Variants in FLT4 observed in about 807,000 individuals in gnomAD.
FLT4 encodes fms related receptor tyrosine kinase 4, also known as vascular endothelial growth factor receptor 3.
FLT4 carries 30 observed loss-of-function variants against 163.2 expected under a neutral mutation model. The observed-to-expected ratio is 0.18, with a 90% CI of 0.14 to 0.25. The LOEUF (loss-of-function observed/expected upper bound fraction) is 0.25. Among genes scored for constraint, FLT4 ranks in the 10% least tolerant of loss-of-function variants. The pLI is 1.00. For synonymous variants in FLT4, 884 were observed against 789.5 expected, an observed-to-expected ratio of 1.12 and a Z score of -2.01; for missense variants, 1,510 against 1,863.8, an observed-to-expected ratio of 0.81 and a Z score of 3.50.
At position 180,637,145 on chromosome 5, in the gene FLT4, A is replaced by G. The variant is rs1190175561; in HGVS notation, c.59-5367T>C. On this transcript the variant is annotated intron_variant, in intron 1 of 29. Transcript: ENST00000261937. ...TGAGGCGGGCGGACCATCCTGGCCA[A>G]CATGGTGAACCCCATCTCTACTAAA... 1.6e-4 allele frequency among the ~76,000 whole-genome samples: 25 copies of G among 152,150 alleles called. No individual in the cohort carries two copies. In the East Asian group the frequency reaches 4.1e-3, roughly 25 times the overall value.
rs1028042763 is a variant in FLT4 at position 180,631,427 on chromosome 5, C to G, written c.155+255G>C. On this transcript the variant is annotated intron_variant, in intron 2 of 29. Transcript: ENST00000261937. ...GGCAGAGCTTGCAGTGAGCCGAGAT[C>G]GCACCACTGCACTCCAGCCTGGGTG... Among the ~76,000 whole-genome samples, 3 of 151,854 alleles carry G rather than the reference C, an allele frequency of 2.0e-5. No individual in the cohort carries two copies. In the South Asian group the frequency reaches 6.2e-4, roughly 32 times the overall value.
rs2127834628 is a variant in FLT4 at position 180,629,427 on chromosome 5, C to T, written c.817G>A (p.Ala273Thr). The T allele has an allele frequency of 1.9e-6, 3 of 1,610,702 alleles. No individual in the cohort carries two copies. The highest frequency in any genetic ancestry group is 2.5e-6 in the Non-Finnish European group (3 of 1,179,934). Residue 273 changes from alanine (A) to threonine (T), a missense_variant and splice_region_variant, in exon 7 of 30, where the codon GCA becomes ACA. Ala to Thr is a moderately conservative substitution (Grantham distance 58). Transcript: ENST00000261937. Reference sequence around the variant, plus strand: ...TCGGGCACCCACTTACCCCGCTCTGCCTGCCCGCACCCAGGGAAGCCCCGC... The same window carrying T: ...TCGGGCACCCACTTACCCCGCTCTGTCTGCCCGCACCCAGGGAAGCCCCGC... ...TFDWDYPGKQAERGKWVPERR... is the reference protein window; with the variant it reads ...TFDWDYPGKQTERGKWVPERR...
chr5:180,622,963 G>C (rs1763283901), intron 11 of FLT4, 124 bp from the exon 12 acceptor site: 1 of 732,604 alleles, frequency 1.4e-6, no homozygotes, highest in Admixed American at 2.0e-5. Context: ...GAGGCTTTGG[G>C]CTGGAGAAGA....
chr5:180,642,133 A>G (rs573769541), intron 1 of FLT4, among the ~76,000 whole-genome samples: 6 of 151,144 alleles, frequency 4.0e-5, no homozygotes, highest in Non-Finnish European at 8.8e-5. Flanking sequence ...CGTGAACCTG[A>G]GAGGCAGAGC....
At chr5:180,649,694 C>A (rs1383507304), upstream of FLT4, 1 of 233,556 alleles carries the variant, frequency 4.3e-6, no homozygotes, top group Non-Finnish European at 7.4e-6. Flanking sequence ...CGCCCCCCTC[C>A]CCCCGTCCCT....
chr5:180,638,277 A>G (rs1331085205), intron 1 of FLT4, among the ~76,000 whole-genome samples: 6 of 152,286 alleles, frequency 3.9e-5, no homozygotes, highest in Admixed American at 2.6e-4. Flanking sequence ...TTCCGATGCT[A>G]AACTGCAGAC....
At chr5:180,625,746 C>G in intron 10 of FLT4, 123 bp downstream of exon 10, 3 of 905,698 alleles carry the variant, frequency 3.3e-6, no homozygotes, top group Non-Finnish European at 5.3e-6. Flanking sequence ...AAGTTCAGAG[C>G]AGGGCCCTGA....
chr5:180,627,635 G>GCT (rs1000762570), intron 8 of FLT4, among the ~76,000 whole-genome samples: 2 of 152,236 alleles, frequency 1.3e-5, no homozygotes, highest in Non-Finnish European at 2.9e-5. Flanking sequence ...AGGGTGGGTG[G>GCT]CTGCCATAGG....
rs943968984 is a variant in FLT4 at position 180,626,750 on chromosome 5, G to A, written c.1104-485C>T. ...GAAGGAGTGGAGGTGCAGTCCCTGC[G>A]AGCACAGTCTAGCTCCTTGACATGT... On this transcript the variant is annotated intron_variant, in intron 8 of 29. Coordinates refer to ENST00000261937, the MANE Select transcript of FLT4 (RefSeq NM_182925.5). Among the ~76,000 whole-genome samples, 14 of 152,308 alleles carry A rather than the reference G, an allele frequency of 9.2e-5. No homozygotes were observed. In the South Asian group the frequency reaches 2.3e-3, roughly 25 times the overall value.
chr5:180,603,177 C>G lies in FLT4; in HGVS notation c.*15G>C, dbSNP rs746111269. 6.8e-6 allele frequency: 11 copies of G among 1,613,340 alleles called. No homozygotes were observed. The Middle Eastern group carries it at 4.9e-4, about 72-fold the overall frequency. ...GCCTGAACCCCCAAGTGCTGGGGGT[C>G]TTGTCCGATGCTGCTTAGTAGCTGT... On this transcript the variant is annotated 3_prime_UTR_variant, in exon 30 of 30. Coordinates refer to ENST00000261937, the MANE Select transcript of FLT4 (RefSeq NM_182925.5).
chr5:180,645,351 G>C (rs905364812), intron 1 of FLT4, among the ~76,000 whole-genome samples: 29 of 152,236 alleles, frequency 1.9e-4, no homozygotes, highest in South Asian at 4.1e-4. Context: ...GGGGCAGCCA[G>C]CTATGCCAGG....
At chr5:180,638,594 C>T (rs1416046689) in intron 1 of FLT4, among the ~76,000 whole-genome samples, 4 of 152,250 alleles carry the variant, frequency 2.6e-5, no homozygotes, top group African/African-American at 9.6e-5. Context: ...TTCCCCTGCA[C>T]TCCCAAGAAA....
intron 10 of FLT4, among the ~76,000 whole-genome samples, chr5:180,625,427 T>TGA (rs977202762): frequency 4.6e-5 from 7 of 152,242 alleles, no homozygotes; most frequent in African/African-American, 1.7e-4. Flanking sequence ...ACAGATGAGC[T>TGA]GAGGCCCATG....
chr5:180,605,577 T>C (rs185867961), intron 29 of FLT4, among the ~76,000 whole-genome samples: 1 of 152,342 alleles, frequency 6.6e-6, no homozygotes, highest in East Asian at 1.9e-4. Context: ...ACTTCTCCTG[T>C]GGATGGGACT....
chr5:180,625,376 C>G (rs1008637407), intron 10 of FLT4, among the ~76,000 whole-genome samples: 11 of 152,218 alleles, frequency 7.2e-5, no homozygotes, highest in Non-Finnish European at 7.3e-5. Context: ...CCTCCCTTCT[C>G]TGACCCTATT....
At chr5:180,608,821 G>C (rs1317260181) in intron 29 of FLT4, 147 bp downstream of exon 29, 1 of 737,000 alleles carries the variant, frequency 1.4e-6, no homozygotes, top group African/African-American at 1.7e-5. Flanking sequence ...AGGGGTCTCA[G>C]GCAGCTCACC....
chr5:180,628,303 C>T (rs1180540274), intron 8 of FLT4, among the ~76,000 whole-genome samples: 3 of 152,172 alleles, frequency 2.0e-5, no homozygotes, highest in East Asian at 1.9e-4. Context: ...GAGTAGCCAG[C>T]GGAGACAGGG....
At chr5:180,637,722 G>A (rs1358004649) in intron 1 of FLT4, among the ~76,000 whole-genome samples, 1 of 152,132 alleles carries the variant, frequency 6.6e-6, no homozygotes, top group Non-Finnish European at 1.5e-5. Flanking sequence ...AGTAGACGGG[G>A]CTTCTCCATG....
rs1765643316 is a variant in FLT4, at chr5:180,649,477, G to C, written c.58+11C>G. The C allele has an allele frequency of 3.4e-6, 5 of 1,457,096 alleles. No homozygotes were observed. In the South Asian group the frequency reaches 5.2e-5, roughly 15 times the overall value. The allele number at this position is 1,457,096 out of a possible 1,614,324, so 90.3% of individuals were successfully genotyped here. On this transcript the variant is annotated intron_variant, in intron 1 of 29. Coordinates refer to ENST00000261937, the MANE Select transcript of FLT4 (RefSeq NM_182925.5). ...CCACGCTCGGGCGGGTGGCCCGTTC[G>C]CCGCGCTCACCGTCCAGGAGTCCCA...
Sources: allele counts gnomAD v4.1 joint callset (sites outside exome capture counted in the v4.1 genomes callset), GRCh38; gene constraint gnomAD v4.1.1; transcripts MANE v1.5; gene names NCBI Gene and HGNC (gene_info 2026-07-23, HGNC 2026-07-21).